TFEC: variants seen among roughly 807,000 people sequenced by gnomAD.
TFEC encodes the protein transcription factor EC.
TFEC carries 31 observed loss-of-function variants against 41.6 expected under a neutral mutation model. The ratio of observed to expected loss-of-function variants is 0.74; its 90% CI spans 0.56 to 1.01. TFEC has a LOEUF of 1.01. Among genes scored for constraint, TFEC ranks in the 50% least tolerant of loss-of-function variants. TFEC has a pLI of 0.00. For synonymous variants in TFEC, 143 were observed against 140.6 expected, an observed-to-expected ratio of 1.02 and a Z score of -0.12; for missense variants, 402 against 404.1, an observed-to-expected ratio of 0.99 and a Z score of 0.04.
chr7:115,963,227 A>G (rs1298193570), intron 3 of TFEC, among the ~76,000 whole-genome samples: 1 of 151,836 alleles, frequency 6.6e-6, no homozygotes, highest in Non-Finnish European at 1.5e-5. Flanking sequence ...AGCACATGAA[A>G]AGATGCCCAA....
intron 1 of TFEC, among the ~76,000 whole-genome samples, chr7:116,007,871 A>G (rs1794859703): frequency 6.6e-6 from 1 of 152,218 alleles, no homozygotes; most frequent in African/African-American, 2.4e-5. Context: ...GCTTCTTTTA[A>G]AATATTATCT....
At chr7:116,069,370 A>C (rs1420536090) in intron 3 of TFEC, among the ~76,000 whole-genome samples, 1 of 151,642 alleles carries the variant, frequency 6.6e-6, no homozygotes. Flanking sequence ...GTTCATCAGA[A>C]TTGACTCAAT....
At chr7:116,149,261 C>T (rs1157307314) in intron 1 of TFEC, among the ~76,000 whole-genome samples, 1 of 151,970 alleles carries the variant, frequency 6.6e-6, no homozygotes, top group Non-Finnish European at 1.5e-5. Flanking sequence ...ATATAATTCA[C>T]AAATACATAA....
At chr7:116,107,383 C>G (rs987931081) in intron 3 of TFEC, among the ~76,000 whole-genome samples, 1 of 152,146 alleles carries the variant, frequency 6.6e-6, no homozygotes, top group Non-Finnish European at 1.5e-5. Context: ...GCTAGACATG[C>G]GAGCCAGCAA....
chr7:116,074,962 T>C (rs1214185292), intron 3 of TFEC, among the ~76,000 whole-genome samples: 2 of 152,182 alleles, frequency 1.3e-5, no homozygotes, highest in Non-Finnish European at 1.5e-5. Flanking sequence ...GAAGTTCTGA[T>C]ACATGACATC....
intron 3 of TFEC, among the ~76,000 whole-genome samples, chr7:116,086,688 G>C (rs1345860509): frequency 6.6e-6 from 1 of 151,718 alleles, no homozygotes; most frequent in Non-Finnish European, 1.5e-5. Flanking sequence ...TACCTCCAGG[G>C]ATCAGATTCT....
chr7:116,055,803 G>A (rs1381762207), intron 3 of TFEC, among the ~76,000 whole-genome samples: 2 of 151,966 alleles, frequency 1.3e-5, no homozygotes, highest in African/African-American at 2.4e-5. Flanking sequence ...GCTAATAAAT[G>A]GGAGAGTGGG....
intron 1 of TFEC, among the ~76,000 whole-genome samples, chr7:116,156,778 C>T (rs1050233265): frequency 1.3e-5 from 2 of 152,114 alleles, no homozygotes; most frequent in Non-Finnish European, 2.9e-5. Flanking sequence ...TGTTTGTACA[C>T]GGTAAAGGCA....
chr7:115,991,179 A>G (rs531677810), intron 1 of TFEC, among the ~76,000 whole-genome samples: 1 of 152,306 alleles, frequency 6.6e-6, no homozygotes, highest in Admixed American at 6.5e-5. Flanking sequence ...CAAATGCTGA[A>G]GATTTTGTCA....
intron 3 of TFEC, among the ~76,000 whole-genome samples, chr7:115,970,575 AT>A (rs1265729918): frequency 1.3e-5 from 2 of 151,972 alleles, no homozygotes; most frequent in Admixed American, 1.3e-4. Flanking sequence ...AGATTGATAA[AT>A]GCTGATATTT....
intron 1 of TFEC, among the ~76,000 whole-genome samples, chr7:116,029,795 T>C (rs1393124804): frequency 6.6e-6 from 1 of 152,046 alleles, no homozygotes; most frequent in South Asian, 2.1e-4. Flanking sequence ...AATTGAAAAC[T>C]ATTACTTTAA....
intron 2 of TFEC, among the ~76,000 whole-genome samples, chr7:115,981,349 T>G (rs772380180): frequency 6.6e-6 from 1 of 152,158 alleles, no homozygotes; most frequent in Non-Finnish European, 1.5e-5. Flanking sequence ...AAATTTATCT[T>G]CTGAGTTTCT....
At chr7:116,104,717 A>C (rs1011161613) in intron 3 of TFEC, among the ~76,000 whole-genome samples, 1 of 152,102 alleles carries the variant, frequency 6.6e-6, no homozygotes, top group African/African-American at 2.4e-5. Context: ...TATAATATAC[A>C]GTCCACTTGA....
intron 1 of TFEC, among the ~76,000 whole-genome samples, chr7:116,025,986 A>C (rs558792693): frequency 3.0e-4 from 46 of 152,366 alleles, no homozygotes; most frequent in African/African-American, 1.1e-3. Flanking sequence ...TAATAACTCC[A>C]GTCTTTCACC....
At chr7:115,953,121 G>A (rs145564969) in intron 5 of TFEC, among the ~76,000 whole-genome samples, 15 of 152,126 alleles carry the variant, frequency 9.9e-5, no homozygotes, top group East Asian at 1.9e-4. Context: ...GGTGTTCACC[G>A]TCACATTTGA....
intron 6 of TFEC, among the ~76,000 whole-genome samples, chr7:115,949,255 G>A (rs1340303644): frequency 2.0e-5 from 3 of 151,878 alleles, no homozygotes; most frequent in South Asian, 2.1e-4. Context: ...AATCAATATC[G>A]TGAAAATGGC....
chr7:115,969,292 A>G (rs1434561494), intron 3 of TFEC, among the ~76,000 whole-genome samples: 1 of 151,912 alleles, frequency 6.6e-6, no homozygotes, highest in Non-Finnish European at 1.5e-5. Flanking sequence ...GGGGAAGCAT[A>G]GAATAAATAG....
chr7:116,100,708 G>T (rs558246600), intron 3 of TFEC, among the ~76,000 whole-genome samples: 1 of 152,198 alleles, frequency 6.6e-6, no homozygotes, highest in Admixed American at 6.5e-5. Flanking sequence ...CTGCCAATAT[G>T]ACACGGCTGC....
chr7:115,998,972 A>C lies in TFEC; in HGVS notation c.-72-14459T>G, dbSNP rs191927463. 3.3e-5 allele frequency among the ~76,000 whole-genome samples: 5 copies of C among 152,160 alleles called. No homozygotes were observed. The East Asian group carries it at 9.6e-4, about 29-fold the overall frequency. ...AAACATCAGACTTAATCTGAACTAT[A>C]AACCAAATAAACCTAATAGATATTT... is the stretch of plus-strand genomic sequence containing the variant. On this transcript the variant is annotated intron_variant, in intron 1 of 7. Transcript: ENST00000265440.
Sources: allele counts gnomAD v4.1 joint callset (sites outside exome capture counted in the v4.1 genomes callset), GRCh38; gene constraint gnomAD v4.1.1; transcripts MANE v1.5; gene names NCBI Gene and HGNC (gene_info 2026-07-23, HGNC 2026-07-21).